Variants in TRAM2 observed in about 807,000 individuals in gnomAD.
TRAM2 encodes the protein translocation associated membrane protein 2.
Under a neutral mutation model 51.0 loss-of-function variants are expected in TRAM2, and 12 were observed. That is an observed-to-expected ratio of 0.24 (90% confidence interval 0.15 to 0.38). TRAM2 has a LOEUF of 0.38. Ranked by LOEUF, TRAM2 falls within the 10% of genes least tolerant of loss-of-function variation. The pLI, the probability that TRAM2 is intolerant of heterozygous loss-of-function variation, is 1.00. For missense variants in TRAM2, 361 were observed against 462.0 expected (o/e 0.78, Z 2.00); for synonymous variants, 175 against 179.4 (o/e 0.98, Z 0.20).
intron 4 of TRAM2, 58 bp from the exon 5 acceptor site, chr6:52,509,644 C>T: frequency 6.4e-7 from 1 of 1,561,982 alleles, no homozygotes; most frequent in South Asian, 1.1e-5. Flanking sequence ...CTGCTGGGGC[C>T]CTGGGACCGG....
rs767296756 is a variant in TRAM2, at chr6:52,516,643, C to T, written c.279G>A (p.Gln93=). Residue 93 remains glutamine, a synonymous_variant, in exon 3 of 11, where the codon CAG becomes CAA. Transcript: ENST00000182527. ...FITIILHAVV[Q]EYILDKISKR... Reference sequence around the variant, plus strand: ...TGTCACTTACATCTAAAATGTACTCCTGAACCACAGCATGCAAGATGATGG... The same window carrying T: ...TGTCACTTACATCTAAAATGTACTCTTGAACCACAGCATGCAAGATGATGG... 1 of 1,613,956 alleles carries T rather than the reference C, an allele frequency of 6.2e-7. No individual in the cohort carries two copies. Among genetic ancestry groups the T allele is most frequent in the African/African-American group, 1.3e-5 (1 of 75,020 alleles).
intron 4 of TRAM2, 61 bp from the exon 5 acceptor site, chr6:52,509,647 G>A: frequency 2.6e-6 from 4 of 1,539,408 alleles, no homozygotes; most frequent in Non-Finnish European, 3.6e-6. Context: ...CTGGGGCCCT[G>A]GGACCGGTCC....
intron 1 of TRAM2, among the ~76,000 whole-genome samples, chr6:52,566,295 G>A (rs1767590144): frequency 6.6e-6 from 1 of 152,056 alleles, no homozygotes; most frequent in African/African-American, 2.4e-5. Context: ...TGTGTCACAT[G>A]AAACATATGA....
chr6:52,503,313 G>A (rs760412067), intron 10 of TRAM2, 43 bp from the exon 11 acceptor site: 1 of 1,572,148 alleles, frequency 6.4e-7, no homozygotes, highest in South Asian at 1.1e-5. Flanking sequence ...GTTTCTGCTG[G>A]AGCTAAGGCA....
At position 52,501,492 on chromosome 6, in the gene TRAM2, C is replaced by T. The variant is rs1766221552; in HGVS notation, c.*1705G>A. On this transcript the variant is annotated 3_prime_UTR_variant, in exon 11 of 11. Transcript: ENST00000182527. ...ATTCCAAATGACACTACTATTCCTG[C>T]ACCTACCAAGAACTACTCCCCTTTG... 6.6e-6 allele frequency: 1 copy of T among 152,234 alleles called. No homozygotes were observed. Among genetic ancestry groups the T allele is most frequent in the Non-Finnish European group, 1.5e-5 (1 of 68,044 alleles). 9.4% of individuals were successfully genotyped at this position (152,234 alleles called of 1,614,324 possible).
Position 52,552,066 on chromosome 6 carries a change from C to T in TRAM2, c.121-16220G>A, listed in dbSNP as rs145547292. Among the ~76,000 whole-genome samples, 133 of 152,382 alleles carry T rather than the reference C, an allele frequency of 8.7e-4. 1 individual carries two copies. The highest frequency in any genetic ancestry group is 1.6e-3 in the Non-Finnish European group (111 of 68,036). ...AGATCCCAATTTGGGAACGTTAACA[C>T]GGAAACCCTAGCCACGTGCTGACAA... is the stretch of plus-strand genomic sequence containing the variant. On this transcript the variant is annotated intron_variant, in intron 1 of 10. Coordinates refer to ENST00000182527, the MANE Select transcript of TRAM2 (RefSeq NM_012288.4).
Position 52,550,303 on chromosome 6 carries a change from C to G in TRAM2, c.121-14457G>C, listed in dbSNP as rs185284302. Among the ~76,000 whole-genome samples the G allele has an allele frequency of 3.3e-5, 5 of 152,310 alleles. No homozygotes were observed. The East Asian group carries it at 9.7e-4, about 29-fold the overall frequency. On this transcript the variant is annotated intron_variant, in intron 1 of 10. Transcript: ENST00000182527. ...AGATCCATGCTATCCTCAGCCCCTTCAAGCTTAGGGATAGCTCCCCACGTT... is the reference window on the plus strand; with the variant it reads ...AGATCCATGCTATCCTCAGCCCCTTGAAGCTTAGGGATAGCTCCCCACGTT...
intron 1 of TRAM2, among the ~76,000 whole-genome samples, chr6:52,572,899 T>G (rs1030496595): frequency 6.6e-6 from 1 of 152,048 alleles, no homozygotes; most frequent in Non-Finnish European, 1.5e-5. Context: ...GAAGAAAAGG[T>G]AAATCTGCCA....
At chr6:52,554,203 G>A (rs1012647104) in intron 1 of TRAM2, among the ~76,000 whole-genome samples, 1 of 152,178 alleles carries the variant, frequency 6.6e-6, no homozygotes, top group African/African-American at 2.4e-5. Context: ...GAAGGGATGC[G>A]GAGGCAGGGC....
At chr6:52,547,630 G>C (rs1273087582) in intron 1 of TRAM2, among the ~76,000 whole-genome samples, 1 of 152,202 alleles carries the variant, frequency 6.6e-6, no homozygotes, top group Admixed American at 6.5e-5. Context: ...CTCAGCAGCT[G>C]TGACTTTACT....
intron 9 of TRAM2, among the ~76,000 whole-genome samples, 154 bp downstream of exon 9, chr6:52,505,445 A>G (rs971481824): frequency 1.3e-5 from 2 of 152,258 alleles, no homozygotes; most frequent in Non-Finnish European, 1.5e-5. Flanking sequence ...AGAGGCTGCT[A>G]TCTCTTCTCC....
intron 1 of TRAM2, among the ~76,000 whole-genome samples, chr6:52,575,380 C>A (rs1437560218): frequency 6.6e-6 from 1 of 152,156 alleles, no homozygotes; most frequent in Non-Finnish European, 1.5e-5. Context: ...AAGCCCGACC[C>A]AATATACCAC....
At chr6:52,509,314 G>C (rs923350054) in intron 5 of TRAM2, among the ~76,000 whole-genome samples, 1 of 152,216 alleles carries the variant, frequency 6.6e-6, no homozygotes, top group Non-Finnish European at 1.5e-5. Context: ...TCTGTGATGG[G>C]AGCCAGCACA....
At chr6:52,547,188 G>A (rs1265461656) in intron 1 of TRAM2, among the ~76,000 whole-genome samples, 1 of 152,150 alleles carries the variant, frequency 6.6e-6, no homozygotes, top group Non-Finnish European at 1.5e-5. Context: ...CTTAGACCAC[G>A]TGTGGTGACA....
At chr6:52,530,119 A>G (rs1267092415) in intron 2 of TRAM2, among the ~76,000 whole-genome samples, 2 of 152,238 alleles carry the variant, frequency 1.3e-5, no homozygotes, top group East Asian at 3.8e-4. Context: ...ATACTTTTAA[A>G]AAGATATTTA....
intron 1 of TRAM2, among the ~76,000 whole-genome samples, chr6:52,558,765 C>T (rs1408128408): frequency 6.6e-6 from 1 of 152,166 alleles, no homozygotes; most frequent in African/African-American, 2.4e-5. Context: ...CAAAAAGTCA[C>T]AGAGCAATGG....
In TRAM2 at chr6:52,506,119, A is replaced by T; in HGVS notation, c.644T>A (p.Leu215Gln). 6.2e-7 allele frequency: 1 copy of T among 1,614,028 alleles called. No individual in the cohort carries two copies. The highest frequency in any genetic ancestry group is 2.2e-5 in the East Asian group (1 of 44,878). The change falls in exon 8 of 11, where the codon CTG (leucine) becomes CAG (glutamine). Residue 215 changes from leucine to glutamine, a missense_variant. Transcript: ENST00000182527. ...TGAGTACTGCAGCAGCAGCAAGATC[A>T]GGCCCAGGCGGCTCAGGCTGGGGGT... ...AYLLNLSRLG[L>Q]ILLLLQYSTE...
At chr6:52,509,797 G>C (rs1205424721) in intron 4 of TRAM2, among the ~76,000 whole-genome samples, 2 of 152,178 alleles carry the variant, frequency 1.3e-5, no homozygotes, top group African/African-American at 4.8e-5. Context: ...GGAGTAGGAA[G>C]GGCCACGCTC....
At chr6:52,560,684 T>A (rs1009634796) in intron 1 of TRAM2, among the ~76,000 whole-genome samples, 4 of 152,236 alleles carry the variant, frequency 2.6e-5, no homozygotes, top group African/African-American at 9.6e-5. Context: ...ACATTTGCTC[T>A]GAGTCACAGA....
Sources: gnomAD v4.1 joint callset for allele counts (sites outside exome capture counted in the v4.1 genomes callset) on GRCh38, gnomAD v4.1.1 for gene constraint, MANE v1.5 for transcripts, NCBI Gene and HGNC (gene_info 2026-07-23, HGNC 2026-07-21) for gene names.